The following AKR1C8 variants were observed in gnomAD, a reference collection of about 807,000 sequenced individuals.
AKR1C8 encodes the protein aldo-keto reductase family 1 member C-like protein 1.
the AKR1C8 span, among the ~76,000 whole-genome samples, chr10:5,179,116 C>G: frequency 2.0e-5 from 3 of 152,128 alleles, no homozygotes; most frequent in Non-Finnish European, 2.9e-5. Flanking sequence ...GTGGCTGGTA[C>G]TGGTTGTTCC....
chr10:5,154,448 T>G, the AKR1C8 span: 1 of 265,604 alleles, frequency 3.8e-6, no homozygotes, highest in East Asian at 8.9e-5. Flanking sequence ...TTTATGTTCA[T>G]TTTTCTTTTT....
chr10:5,133,604 G>C, the AKR1C8 span, among the ~76,000 whole-genome samples: 1 of 152,138 alleles, frequency 6.6e-6, no homozygotes, highest in South Asian at 2.1e-4. Context: ...AGATTTACCT[G>C]GGTACTGATT....
At chr10:5,119,191 A>G in the AKR1C8 span, among the ~76,000 whole-genome samples, 2 of 152,216 alleles carry the variant, frequency 1.3e-5, no homozygotes, top group African/African-American at 4.8e-5. Context: ...TGAATATTCA[A>G]TAAAGTTTTG....
chr10:5,122,650 G>A, the AKR1C8 span, among the ~76,000 whole-genome samples: 1 of 152,124 alleles, frequency 6.6e-6, no homozygotes. Flanking sequence ...GTAGGACTCT[G>A]AGCATAACAT....
the AKR1C8 span, among the ~76,000 whole-genome samples, chr10:5,156,249 C>T: frequency 5.0e-4 from 76 of 152,280 alleles, no homozygotes; most frequent in African/African-American, 1.7e-3. Flanking sequence ...AACTGTTCTA[C>T]TTGCTCACCT....
At chr10:5,167,331 A>G in the AKR1C8 span, among the ~76,000 whole-genome samples, 11 of 152,246 alleles carry the variant, frequency 7.2e-5, no homozygotes, top group African/African-American at 2.7e-4. Context: ...AGACACATGC[A>G]CACATATGTT....
At chr10:5,147,152 T>C in the AKR1C8 span, among the ~76,000 whole-genome samples, 6 of 152,000 alleles carry the variant, frequency 3.9e-5, no homozygotes, top group Non-Finnish European at 5.9e-5. Flanking sequence ...AGGAAAGCAA[T>C]AGAAGGCGAG....
the AKR1C8 span, among the ~76,000 whole-genome samples, chr10:5,139,042 A>G: frequency 6.6e-6 from 1 of 152,206 alleles, no homozygotes; most frequent in South Asian, 2.1e-4. Context: ...TCATGAGTGA[A>G]CTCCCATTCA....
At chr10:5,132,784 A>G in the AKR1C8 span, 25 of 1,185,236 alleles carry the variant, frequency 2.1e-5, no homozygotes, top group East Asian at 3.3e-4. Context: ...AGGAGTAATG[A>G]AAAGTAGTAT....
chr10:5,160,064 G>A, the AKR1C8 span: 27 of 359,204 alleles, frequency 7.5e-5, 1 homozygote, highest in East Asian at 4.1e-4. Context: ...TTCAATTGGC[G>A]TTTGACTTTG....
the AKR1C8 span, among the ~76,000 whole-genome samples, chr10:5,153,272 T>C: frequency 6.6e-6 from 1 of 152,066 alleles, no homozygotes; most frequent in Non-Finnish European, 1.5e-5. Flanking sequence ...ACAAAAATAA[T>C]AAAAATGCCG....
At chr10:5,155,815 G>T in the AKR1C8 span, 6 of 436,862 alleles carry the variant, frequency 1.4e-5, no homozygotes, top group Non-Finnish European at 2.9e-5. Flanking sequence ...TTCTACATGG[G>T]AATACAAGGA....
At chr10:5,135,711 T>C in the AKR1C8 span, among the ~76,000 whole-genome samples, 1 of 151,988 alleles carries the variant, frequency 6.6e-6, no homozygotes, top group African/African-American at 2.4e-5. Context: ...GTTTCATCTT[T>C]ATTTTATGTC....
the AKR1C8 span, among the ~76,000 whole-genome samples, chr10:5,117,604 A>C: frequency 2.6e-5 from 4 of 151,916 alleles, no homozygotes; most frequent in African/African-American, 9.7e-5. Context: ...TGAAGCTGAG[A>C]ATTTATAAAG....
chr10:5,130,711 T>C, the AKR1C8 span, among the ~76,000 whole-genome samples: 1 of 151,950 alleles, frequency 6.6e-6, no homozygotes, highest in Non-Finnish European at 1.5e-5. Flanking sequence ...CCTAGGAACA[T>C]ATTTAATCAA....
chr10:5,178,108 T>G, the AKR1C8 span, among the ~76,000 whole-genome samples: 1 of 152,154 alleles, frequency 6.6e-6, no homozygotes, highest in African/African-American at 2.4e-5. Context: ...CTTTTTCTTG[T>G]GGGCATTTAG....
chr10:5,141,196 G>C, the AKR1C8 span, among the ~76,000 whole-genome samples: 1 of 152,054 alleles, frequency 6.6e-6, no homozygotes, highest in East Asian at 1.9e-4. Flanking sequence ...TTCAACCCAA[G>C]AACAACTTTT....
the AKR1C8 span, among the ~76,000 whole-genome samples, chr10:5,179,256 T>C: frequency 6.6e-6 from 1 of 152,196 alleles, no homozygotes; most frequent in Non-Finnish European, 1.5e-5. Flanking sequence ...TTTGGCTGGA[T>C]ATGAAATTCT....
At chr10:5,171,176 CA>C in the AKR1C8 span, among the ~76,000 whole-genome samples, 1 of 152,018 alleles carries the variant, frequency 6.6e-6, no homozygotes, top group Admixed American at 6.6e-5. Flanking sequence ...CCAAAGTTAT[CA>C]GAAACCTGCA....
Sources: allele counts gnomAD v4.1 joint callset (sites outside exome capture counted in the v4.1 genomes callset), GRCh38; gene constraint gnomAD v4.1.1; transcripts MANE v1.5; gene names NCBI Gene and HGNC (gene_info 2026-07-23, HGNC 2026-07-21).